The following SGK1 variants were observed in gnomAD, a reference collection of about 807,000 sequenced individuals.
SGK1 encodes the protein serum/glucocorticoid regulated kinase 1.
A neutral mutation model predicts 64.2 loss-of-function variants in SGK1; 26 were observed. The observed-to-expected ratio is 0.40, with a 90% confidence interval of 0.30 to 0.56. The LOEUF is 0.56. Ranked by LOEUF, SGK1 falls within the 20% of genes least tolerant of loss-of-function variation. The pLI is 0.38. For synonymous variants in SGK1, 265 were observed against 239.7 expected, an observed-to-expected ratio of 1.11 and a Z score of -0.98; for missense variants, 519 against 645.6, an observed-to-expected ratio of 0.80 and a Z score of 2.12.
chr6:134,255,734 G>A (rs1424738290), intron 2 of SGK1, among the ~76,000 whole-genome samples: 2 of 151,688 alleles, frequency 1.3e-5, no homozygotes, highest in Non-Finnish European at 1.5e-5. Context: ...ACAGGCGCCC[G>A]CCACCACACC....
intron 2 of SGK1, among the ~76,000 whole-genome samples, chr6:134,246,171 G>A (rs1036050436): frequency 9.3e-5 from 14 of 150,460 alleles, no homozygotes; most frequent in Non-Finnish European, 7.4e-5. Context: ...TTTTTGAGAT[G>A]GAGTTTCACT....
chr6:134,209,966 C>T (rs953977953), intron 2 of SGK1, among the ~76,000 whole-genome samples: 4 of 152,180 alleles, frequency 2.6e-5, no homozygotes, highest in African/African-American at 7.2e-5. Flanking sequence ...CATGAGCCAC[C>T]GTGCCAGGCC....
intron 2 of SGK1, among the ~76,000 whole-genome samples, chr6:134,208,915 C>CACAT (rs1775840058): frequency 6.8e-6 from 1 of 147,632 alleles, no homozygotes; most frequent in African/African-American, 2.5e-5. Flanking sequence ...TATACACACA[C>CACAT]ACGTGTTTTT....
At chr6:134,232,101 C>T (rs999368693) in intron 2 of SGK1, among the ~76,000 whole-genome samples, 16 of 150,086 alleles carry the variant, frequency 1.1e-4, no homozygotes, top group African/African-American at 2.0e-4. Context: ...AAAGAAATCA[C>T]GATAGAGCTG....
At chr6:134,194,046 G>T (rs114902362) in intron 3 of SGK1, among the ~76,000 whole-genome samples, 2 of 151,716 alleles carry the variant, frequency 1.3e-5, no homozygotes, top group Non-Finnish European at 2.9e-5. Context: ...ACGTGAACAC[G>T]CCAATGAACC....
At chr6:134,175,098 A>T (rs1266844686) in intron 3 of SGK1, among the ~76,000 whole-genome samples, 2 of 152,078 alleles carry the variant, frequency 1.3e-5, no homozygotes, top group Non-Finnish European at 2.9e-5. Flanking sequence ...GGCCGTTATC[A>T]GTCTCCATCG....
chr6:134,225,513 TG>T (rs1344496065), intron 2 of SGK1, among the ~76,000 whole-genome samples: 2 of 152,156 alleles, frequency 1.3e-5, no homozygotes, highest in African/African-American at 4.8e-5. Flanking sequence ...CACTGCAATC[TG>T]CTATTGAGGT....
intron 3 of SGK1, among the ~76,000 whole-genome samples, chr6:134,204,581 T>A (rs1475468273): frequency 6.6e-6 from 1 of 151,582 alleles, no homozygotes; most frequent in East Asian, 1.9e-4. Flanking sequence ...GAGATGGAAT[T>A]TCACTCTTTT....
In SGK1 at chr6:134,317,883, G is replaced by T. The variant is rs1376852579; in HGVS notation, c.-423C>A. ...CTCCAGGTGATGCGCTCCTGGAGGC[G>T]GCTTGAGAGAGGAGAGTTGTTTTTG... On this transcript the variant is annotated 5_prime_UTR_variant, in exon 1 of 14. Transcript: ENST00000367858. The T allele has an allele frequency of 5.8e-6, 1 of 170,950 alleles. No homozygotes were observed. Among genetic ancestry groups the T allele is most frequent in the East Asian group, 1.6e-4 (1 of 6,284 alleles). The allele number at this position is 170,950 out of a possible 1,614,324, so 10.6% of individuals were successfully genotyped here.
At chr6:134,225,588 T>C (rs1005018751) in intron 2 of SGK1, among the ~76,000 whole-genome samples, 8 of 152,092 alleles carry the variant, frequency 5.3e-5, no homozygotes, top group Non-Finnish European at 1.0e-4. Flanking sequence ...TAATTACTAA[T>C]AATATTTTTA....
Position 134,192,211 on chromosome 6 carries a change from C to T in SGK1, c.361+15145G>A, listed in dbSNP as rs184698033. 4.8e-3 allele frequency among the ~76,000 whole-genome samples: 736 copies of T among 151,940 alleles called. 3 individuals are homozygous for T. Among genetic ancestry groups the T allele is most frequent in the African/African-American group, 0.017 (697 of 41,442 alleles). On this transcript the variant is annotated intron_variant, in intron 3 of 13. Transcript: ENST00000367858. ...AACTCCTGACCTCAAGTGATCCACCCGCCTCAGCCTCCCAAAGTGCTGGGA... is the reference window on the plus strand; with the variant it reads ...AACTCCTGACCTCAAGTGATCCACCTGCCTCAGCCTCCCAAAGTGCTGGGA...
intron 1 of SGK1, among the ~76,000 whole-genome samples, chr6:134,265,193 C>T (rs1316681419): frequency 6.6e-6 from 1 of 152,126 alleles, no homozygotes; most frequent in Non-Finnish European, 1.5e-5. Context: ...GGTGCAGTGG[C>T]TCACGCCTGT....
intron 2 of SGK1, among the ~76,000 whole-genome samples, chr6:134,220,899 T>A (rs561856042): frequency 6.6e-6 from 1 of 151,872 alleles, no homozygotes; most frequent in Non-Finnish European, 1.5e-5. Context: ...GGAGAATCAC[T>A]TGAACCCGGG....
chr6:134,246,164 T>C, intron 2 of SGK1, among the ~76,000 whole-genome samples: 1 of 152,004 alleles, frequency 6.6e-6, no homozygotes, highest in East Asian at 1.9e-4. Flanking sequence ...TCTTTTTTTT[T>C]TGAGATGGAG....
intron 1 of SGK1, among the ~76,000 whole-genome samples, chr6:134,285,737 G>C (rs897208049): frequency 1.5e-4 from 22 of 150,936 alleles, no homozygotes; most frequent in Admixed American, 1.5e-3. Flanking sequence ...TTTTCTTTCA[G>C]TTTTCGTTTC....
chr6:134,234,081 T>C lies in SGK1; in HGVS notation c.286-26650A>G, dbSNP rs532032368. Among the ~76,000 whole-genome samples, 8 of 152,334 alleles carry C rather than the reference T, an allele frequency of 5.3e-5. 1 individual carries two copies. Among genetic ancestry groups the C allele is most frequent in the African/African-American group, 1.9e-4 (8 of 41,586 alleles). On this transcript the variant is annotated intron_variant, in intron 2 of 13. Transcript: ENST00000367858. ...CAAATTTAAGCAAGAAAAAATTGTTTTAATAATAGAACATTTTAAAAAACC... is the reference window on the plus strand; with the variant it reads ...CAAATTTAAGCAAGAAAAAATTGTTCTAATAATAGAACATTTTAAAAAACC...
At chr6:134,262,213 T>C in intron 1 of SGK1, 65 bp from the exon 2 acceptor site, 2 of 1,240,082 alleles carry the variant, frequency 1.6e-6, no homozygotes, top group East Asian at 2.3e-5. Context: ...TATTGGGGAT[T>C]TGGTGGGAAA....
chr6:134,218,474 C>T (rs1236300040), intron 2 of SGK1, among the ~76,000 whole-genome samples: 10 of 136,686 alleles, frequency 7.3e-5, no homozygotes, highest in Non-Finnish European at 1.5e-4. Context: ...GGCTCTGTTG[C>T]CCAGGCTGGA....
chr6:134,246,376 C>T (rs945221238), intron 2 of SGK1, among the ~76,000 whole-genome samples: 3 of 151,352 alleles, frequency 2.0e-5, no homozygotes, highest in Non-Finnish European at 2.9e-5. Flanking sequence ...GGGCTGGTCT[C>T]GAACTCCTGA....
Sources: allele counts gnomAD v4.1 joint callset (sites outside exome capture counted in the v4.1 genomes callset), GRCh38; gene constraint gnomAD v4.1.1; transcripts MANE v1.5; gene names NCBI Gene and HGNC (gene_info 2026-07-23, HGNC 2026-07-21).